The following UBE2G1 variants were observed in gnomAD, a reference collection of about 807,000 sequenced individuals.
UBE2G1 encodes the protein ubiquitin conjugating enzyme E2 G1, also known as ubiquitin-conjugating enzyme E2 G1.
Under a neutral mutation model 22.7 loss-of-function variants are expected in UBE2G1, and 5 were observed. The ratio of observed to expected loss-of-function variants is 0.22; its 90% CI spans 0.12 to 0.46. UBE2G1 has a LOEUF of 0.46. Ranked by LOEUF, UBE2G1 falls within the 20% of genes least tolerant of loss-of-function variation. UBE2G1 has a pLI of 0.99. For synonymous variants in UBE2G1, 74 were observed against 67.5 expected (o/e 1.10, Z -0.47); for missense variants, 88 against 203.9 (o/e 0.43, Z 3.46).
chr17:4,334,914 A>C (rs555617172), intron 1 of UBE2G1, among the ~76,000 whole-genome samples: 1 of 152,294 alleles, frequency 6.6e-6, no homozygotes, highest in African/African-American at 2.4e-5. Context: ...TAAATATATA[A>C]AATTGAATGA....
intron 1 of UBE2G1, among the ~76,000 whole-genome samples, chr17:4,358,043 A>G (rs1331041993): frequency 1.3e-5 from 2 of 152,204 alleles, no homozygotes; most frequent in African/African-American, 2.4e-5. Context: ...TAGTGGATAT[A>G]CAATTATACA....
Position 4,341,739 on chromosome 17 carries a change from C to T in UBE2G1, c.46+24532G>A, listed in dbSNP as rs147982657. 3.7e-3 allele frequency among the ~76,000 whole-genome samples: 568 copies of T among 152,298 alleles called. 1 individual carries two copies. The highest frequency in any genetic ancestry group is 0.01 in the Middle Eastern group (3 of 294). On this transcript the variant is annotated intron_variant, in intron 1 of 5. Transcript: ENST00000396981. ...CCATTCTCTCAGGCTCATACCAATC[C>T]GTCCAGTGCAACTGCCTTTCTCAAA...
chr17:4,305,846 G>A (rs1188288225), intron 2 of UBE2G1, among the ~76,000 whole-genome samples: 1 of 152,112 alleles, frequency 6.6e-6, no homozygotes, highest in Non-Finnish European at 1.5e-5. Flanking sequence ...CAAGCCAGCA[G>A]ATGCATCTTA....
chr17:4,302,222 T>C, intron 2 of UBE2G1: 2 of 494,090 alleles, frequency 4.0e-6, no homozygotes, highest in South Asian at 3.1e-5. Context: ...CAATGAACAG[T>C]GTTGTATATG....
intron 5 of UBE2G1, among the ~76,000 whole-genome samples, chr17:4,277,010 T>C (rs1485806162): frequency 6.6e-6 from 1 of 152,226 alleles, no homozygotes; most frequent in Non-Finnish European, 1.5e-5. Flanking sequence ...GGAACTCAGC[T>C]GTGCTTTACA....
intron 4 of UBE2G1, among the ~76,000 whole-genome samples, chr17:4,288,487 A>C (rs11871841): frequency 0.064 from 9,729 of 152,108 alleles, 1,078 homozygotes; most frequent in African/African-American, 0.22. Flanking sequence ...CGGCCTCCCA[A>C]AGTGCTGGGA....
chr17:4,366,137 G>T, intron 1 of UBE2G1, 134 bp downstream of exon 1: 1 of 912,320 alleles, frequency 1.1e-6, no homozygotes, highest in Non-Finnish European at 1.5e-6. Context: ...CGGGACCGGA[G>T]CCTCGAGGTC....
chr17:4,332,477 G>C (rs1567525582), intron 1 of UBE2G1, among the ~76,000 whole-genome samples: 6 of 152,106 alleles, frequency 3.9e-5, no homozygotes. Flanking sequence ...AGTAATCCTG[G>C]AAAAATGTGA....
rs903570914 is a variant in UBE2G1 at position 4,270,000 on chromosome 17, G to A, written c.*2554C>T. ...GATGAACACTGAGAAAGGCACAGAT[G>A]ACATCTCCGACAGAGGAAGGGAAGT... On this transcript the variant is annotated 3_prime_UTR_variant, in exon 6 of 6. Coordinates refer to ENST00000396981, the MANE Select transcript of UBE2G1 (RefSeq NM_003342.5). 5 of 152,542 alleles carry A rather than the reference G, an allele frequency of 3.3e-5. No homozygotes were observed. The highest frequency in any genetic ancestry group is 1.2e-4 in the African/African-American group (5 of 41,426). The allele number at this position is 152,542 out of a possible 1,614,324, so 9.4% of individuals were successfully genotyped here.
Position 4,354,277 on chromosome 17 carries a change from T to C in UBE2G1, c.46+11994A>G, listed in dbSNP as rs369646057. Among the ~76,000 whole-genome samples, 32 of 152,306 alleles carry C rather than the reference T, an allele frequency of 2.1e-4. No individual in the cohort carries two copies. In the East Asian group the frequency reaches 4.6e-3, roughly 22 times the overall value. On this transcript the variant is annotated intron_variant, in intron 1 of 5. Transcript: ENST00000396981. ...TAATAACAACCCTAAAGCAGCTGTATTATGGAACTTTTATTTTTCTACAGA... is the reference window on the plus strand; with the variant it reads ...TAATAACAACCCTAAAGCAGCTGTACTATGGAACTTTTATTTTTCTACAGA...
intron 1 of UBE2G1, among the ~76,000 whole-genome samples, chr17:4,365,329 T>C (rs1004683758): frequency 4.6e-5 from 7 of 152,114 alleles, no homozygotes; most frequent in Non-Finnish European, 5.9e-5. Context: ...CCCCTTCCAC[T>C]CCGCACACGG....
chr17:4,286,889 C>A (rs1049595415), intron 4 of UBE2G1, among the ~76,000 whole-genome samples: 5 of 151,630 alleles, frequency 3.3e-5, no homozygotes, highest in African/African-American at 4.8e-5. Context: ...TAAAAACACA[C>A]AAAAAAATTG....
chr17:4,351,164 A>G (rs1392114559), intron 1 of UBE2G1, among the ~76,000 whole-genome samples: 1 of 149,806 alleles, frequency 6.7e-6, no homozygotes, highest in Admixed American at 6.7e-5. Context: ...ACAGAGGGAG[A>G]CTGTCTCACG....
At chr17:4,293,921 T>C (rs1332955182) in intron 3 of UBE2G1, among the ~76,000 whole-genome samples, 1 of 152,232 alleles carries the variant, frequency 6.6e-6, no homozygotes, top group African/African-American at 2.4e-5. Context: ...CTCCCTGCTA[T>C]CTCTCTGACT....
chr17:4,282,722 C>T, intron 5 of UBE2G1, 76 bp downstream of exon 5: 1 of 920,266 alleles, frequency 1.1e-6, no homozygotes, highest in African/African-American at 1.7e-5. Flanking sequence ...AATTCAAATA[C>T]CCAAATCACA....
At chr17:4,279,583 A>C (rs968967748) in intron 5 of UBE2G1, among the ~76,000 whole-genome samples, 1 of 152,040 alleles carries the variant, frequency 6.6e-6, no homozygotes, top group South Asian at 2.1e-4. Context: ...AAATCCATAA[A>C]GGAAAAGACT....
chr17:4,321,617 T>G (rs534358888), intron 1 of UBE2G1, among the ~76,000 whole-genome samples: 1 of 152,224 alleles, frequency 6.6e-6, no homozygotes, highest in Admixed American at 6.5e-5. Context: ...CTCAGCCTCC[T>G]GAGTAGCTGG....
intron 5 of UBE2G1, among the ~76,000 whole-genome samples, chr17:4,281,514 T>C (rs927096626): frequency 6.6e-6 from 1 of 152,172 alleles, no homozygotes; most frequent in African/African-American, 2.4e-5. Flanking sequence ...TTTCAGACAG[T>C]GTATTTCGGT....
intron 1 of UBE2G1, among the ~76,000 whole-genome samples, chr17:4,348,149 T>C (rs1394449765): frequency 6.6e-5 from 10 of 152,162 alleles, no homozygotes; most frequent in Non-Finnish European, 1.5e-4. Flanking sequence ...TCCCAACTAC[T>C]TGGGAGGCTG....
Sources: allele counts gnomAD v4.1 joint callset (sites outside exome capture counted in the v4.1 genomes callset), GRCh38; gene constraint gnomAD v4.1.1; transcripts MANE v1.5; gene names NCBI Gene and HGNC (gene_info 2026-07-23, HGNC 2026-07-21).